Variants in MRO observed in about 807,000 individuals in gnomAD.
MRO encodes maestro, also known as protein maestro.
In MRO, 28 loss-of-function variants were observed where a neutral mutation model predicts 31.0. The ratio of observed to expected loss-of-function variants is 0.90; its 90% CI spans 0.67 to 1.24. The LOEUF is 1.24. MRO is among the 50% of genes most tolerant of loss of function. The pLI, the probability that MRO is intolerant of heterozygous loss-of-function variation, is 0.00. For synonymous variants in MRO, 108 were observed against 108.4 expected (o/e 1.00, Z 0.02); for missense variants, 332 against 289.2 (o/e 1.15, Z -1.07).
chr18:50,820,137 C>T (rs1416195758), upstream of MRO: 1 of 617,866 alleles, frequency 1.6e-6, no homozygotes, highest in East Asian at 2.7e-5. Context: ...AAGCCGCCGC[C>T]GTGGCTGCCT....
chr18:50,820,910 G>A (rs1255238105), upstream of MRO, among the ~76,000 whole-genome samples: 1 of 152,186 alleles, frequency 6.6e-6, no homozygotes, highest in African/African-American at 2.4e-5. Context: ...AAAGAAAATC[G>A]ATGCTGCTGA....
chr18:50,825,018 G>C (rs72627216), intron 1 of MRO, among the ~76,000 whole-genome samples: 1 of 148,680 alleles, frequency 6.7e-6, no homozygotes, highest in Non-Finnish European at 1.5e-5. Flanking sequence ...GCAGTGAGCC[G>C]AGATCGCACC....
At chr18:50,812,641 T>C (rs1226707781) in intron 2 of MRO, among the ~76,000 whole-genome samples, 1 of 152,240 alleles carries the variant, frequency 6.6e-6, no homozygotes, top group Non-Finnish European at 1.5e-5. Context: ...TTTATAGTTT[T>C]CACATTTCTA....
intron 2 of MRO, among the ~76,000 whole-genome samples, chr18:50,817,998 C>CG (rs1194059113): frequency 1.6e-5 from 2 of 128,278 alleles, no homozygotes; most frequent in Non-Finnish European, 3.2e-5. Flanking sequence ...ACTCCCACCC[C>CG]CCGCCCCATG....
chr18:50,815,384 G>C (rs2144661098), intron 2 of MRO: 1 of 255,572 alleles, frequency 3.9e-6, no homozygotes, highest in East Asian at 9.9e-5. Flanking sequence ...GATGGTAGCA[G>C]AGACAGTTAT....
chr18:50,822,614 G>A (rs897994071), upstream of MRO, among the ~76,000 whole-genome samples: 1 of 152,024 alleles, frequency 6.6e-6, no homozygotes, highest in Non-Finnish European at 1.5e-5. Flanking sequence ...TGAGCCACTG[G>A]GCCCTGCCAG....
At chr18:50,808,756 C>T (rs2144627559) in intron 3 of MRO, among the ~76,000 whole-genome samples, 1 of 151,776 alleles carries the variant, frequency 6.6e-6, no homozygotes, top group South Asian at 2.1e-4. Flanking sequence ...CACCCGGCCT[C>T]ATTCCATATT....
At chr18:50,801,598 C>T in intron 5 of MRO, 94 bp from the exon 6 acceptor site, 1 of 1,193,664 alleles carries the variant, frequency 8.4e-7, no homozygotes, top group Non-Finnish European at 1.2e-6. Flanking sequence ...CAGAACACAT[C>T]ACAGCCGTCA....
At chr18:50,809,533 C>T (rs1356843709) in intron 2 of MRO, 129 bp from the exon 3 acceptor site, 1 of 566,288 alleles carries the variant, frequency 1.8e-6, no homozygotes, top group Non-Finnish European at 3.0e-6. Context: ...CTTTAGGAAC[C>T]TTCCACTGTG....
In MRO at chr18:50,819,634, C is replaced by T. The variant is rs763992693; in HGVS notation, c.-58G>A. The T allele has an allele frequency of 6.4e-7, 1 of 1,551,438 alleles. No individual in the cohort carries two copies. Among genetic ancestry groups the T allele is most frequent in the African/African-American group, 1.4e-5 (1 of 73,028 alleles). ...GATGAACCGGAGCCCGTTCCTGACT[C>T]GGGAGGGCTGCTTTCCCGGGTAGTA... On this transcript the variant is annotated 5_prime_UTR_variant, in exon 2 of 8. Transcript: ENST00000398439.
chr18:50,812,425 G>A (rs1160080323), intron 2 of MRO, among the ~76,000 whole-genome samples: 2 of 152,142 alleles, frequency 1.3e-5, no homozygotes, highest in East Asian at 3.8e-4. Context: ...ATTACCAGAC[G>A]TATGATTTAC....
rs1250256248 is a variant in MRO, at chr18:50,798,460, G to A, written c.*877C>T. ...CAGGATGGCATGATTATTGAGTATG[G>A]GCTCAAGAAGTCAGACCGTACATGT... On this transcript the variant is annotated 3_prime_UTR_variant, in exon 8 of 8. Transcript: ENST00000398439. 6.6e-6 allele frequency: 1 copy of A among 152,114 alleles called. No homozygotes were observed. The highest frequency in any genetic ancestry group is 1.5e-5 in the Non-Finnish European group (1 of 68,020). 9.4% of individuals were successfully genotyped at this position (152,114 alleles called of 1,614,324 possible). A position where few individuals can be genotyped will look rare whatever the true frequency, so the allele number is the denominator to read the frequency against.
chr18:50,799,023 C>A lies in MRO; in HGVS notation c.*314G>T. 4.7e-6 allele frequency: 1 copy of A among 212,422 alleles called. No individual in the cohort carries two copies. The highest frequency in any genetic ancestry group is 9.3e-6 in the Non-Finnish European group (1 of 107,618). 13.2% of individuals were successfully genotyped at this position (212,422 alleles called of 1,614,324 possible). ...ATAAAAGCTAGGTGACAGAGATGAA[C>A]TTAAGAAAGAAAAAGCTGAGAAATA... is the stretch of plus-strand genomic sequence containing the variant. On this transcript the variant is annotated 3_prime_UTR_variant, in exon 8 of 8. Transcript: ENST00000398439.
Position 50,797,086 on chromosome 18 carries a change from TCA to T in MRO, c.*2249_*2250del, listed in dbSNP as rs1197223085. ...AAAGGTTAATGACTTAAAACAACAA[TCA>T]TTTGATTCTTTGTTCATGCTTCTGC... On this transcript the variant is annotated 3_prime_UTR_variant, in exon 8 of 8. Transcript: ENST00000398439. 6.6e-6 allele frequency: 1 copy of T among 152,184 alleles called. No individual in the cohort carries two copies. The highest frequency in any genetic ancestry group is 1.5e-5 in the Non-Finnish European group (1 of 68,038). The allele number at this position is 152,184 out of a possible 1,614,324, so 9.4% of individuals were successfully genotyped here. A position where few individuals can be genotyped will look rare whatever the true frequency, so the allele number is the denominator to read the frequency against.
In MRO at chr18:50,799,213, A is replaced by T; in HGVS notation, c.*124T>A. 1.2e-6 allele frequency: 1 copy of T among 815,398 alleles called. No homozygotes were observed. Among genetic ancestry groups the T allele is most frequent in the Non-Finnish European group, 2.1e-6 (1 of 483,506 alleles). The allele number at this position is 815,398 out of a possible 1,614,324, so 50.5% of individuals were successfully genotyped here. A position where few individuals can be genotyped will look rare whatever the true frequency, so the allele number is the denominator to read the frequency against. ...TTTTGCCTTTGATTGCTCTCCCAGC[A>T]CCCTCTTTCCCATTACAATCCCAAG... is the stretch of plus-strand genomic sequence containing the variant. On this transcript the variant is annotated 3_prime_UTR_variant, in exon 8 of 8. Transcript: ENST00000398439.
At chr18:50,823,246 T>G (rs1915372669), upstream of MRO, among the ~76,000 whole-genome samples, 1 of 151,830 alleles carries the variant, frequency 6.6e-6, no homozygotes, top group East Asian at 1.9e-4. Flanking sequence ...CCACATTTGC[T>G]TCCTCCCACT....
At chr18:50,803,417 G>A (rs1294957080) in intron 5 of MRO, among the ~76,000 whole-genome samples, 3 of 152,042 alleles carry the variant, frequency 2.0e-5, no homozygotes, top group Non-Finnish European at 2.9e-5. Context: ...TGAGGTGGGA[G>A]GATCAGTTGA....
chr18:50,805,174 T>C lies in MRO; in HGVS notation c.409A>G (p.Thr137Ala), dbSNP rs2144608030. 2 of 1,613,102 alleles carry C rather than the reference T, an allele frequency of 1.2e-6. No individual in the cohort carries two copies. The highest frequency in any genetic ancestry group is 1.7e-6 in the Non-Finnish European group (2 of 1,179,040). Residue 137 changes from threonine to alanine, a missense_variant, in exon 5 of 8, where the codon ACC (threonine) becomes GCC (alanine). Coordinates refer to ENST00000398439, the MANE Select transcript of MRO (RefSeq NM_031939.6). ...CTTACGTCATCTAATAAAGTCCTGG[T>C]CTGAAGGGTGATATCTATGAAGAAG... ...GSFFIDITLQTRTLLDDENDS... is the reference protein window; with the variant it reads ...GSFFIDITLQARTLLDDENDS...
chr18:50,806,768 C>T lies in MRO; in HGVS notation c.182G>A (p.Ser61Asn). ...FILAERARDP[S>N]AKKRHMAMRN... ...CATTGCCATGTGACGCTTTTTAGCA[C>T]TGGGGTCCCGAGCTCTTTCTGCCAA... Residue 61 changes from serine to asparagine, a missense_variant, in exon 4 of 8, where the codon AGT (serine) becomes AAT (asparagine). Ser to Asn is a conservative substitution (Grantham distance 46). Transcript: ENST00000398439. 3 of 1,614,150 alleles carry T rather than the reference C, an allele frequency of 1.9e-6. No homozygotes were observed. Among genetic ancestry groups the T allele is most frequent in the African/African-American group, 2.7e-5 (2 of 75,022 alleles).
Sources: gnomAD v4.1 joint callset for allele counts (sites outside exome capture counted in the v4.1 genomes callset) on GRCh38, gnomAD v4.1.1 for gene constraint, MANE v1.5 for transcripts, NCBI Gene and HGNC (gene_info 2026-07-23, HGNC 2026-07-21) for gene names.